The following AGBL4 variants were observed in gnomAD, a reference collection of about 807,000 sequenced individuals.
AGBL4 encodes AGBL carboxypeptidase 4.
AGBL4 carries 58 observed loss-of-function variants against 66.4 expected under a neutral mutation model. The observed-to-expected ratio is 0.87, with a 90% CI of 0.71 to 1.09. AGBL4 has a LOEUF of 1.09. Ranked by LOEUF, AGBL4 falls within the 50% of genes least tolerant of loss-of-function variation. The pLI is 0.00. For synonymous variants in AGBL4, 234 were observed against 222.9 expected (o/e 1.05, Z -0.44); for missense variants, 579 against 631.0 (o/e 0.92, Z 0.88).
At chr1:49,479,703 CTTTTTTTT>C (rs1351125149) in intron 3 of AGBL4, among the ~76,000 whole-genome samples, 2 of 136,890 alleles carry the variant, frequency 1.5e-5, no homozygotes, top group Non-Finnish European at 3.2e-5. Flanking sequence ...TTCTTTTTTT[CTTTTTTTT>C]TTTTTTTTGA....
intron 6 of AGBL4, among the ~76,000 whole-genome samples, chr1:48,853,636 A>G (rs567406475): frequency 1.3e-5 from 2 of 152,310 alleles, no homozygotes; most frequent in Middle Eastern, 3.4e-3. Flanking sequence ...CTGAAAGCAG[A>G]AGAGAGAGGA....
At chr1:49,774,852 A>G (rs115888543) in intron 2 of AGBL4, among the ~76,000 whole-genome samples, 35 of 152,326 alleles carry the variant, frequency 2.3e-4, no homozygotes, top group African/African-American at 7.9e-4. Flanking sequence ...AAATATACAT[A>G]CCCTTTGACT....
rs80325427 is a variant in AGBL4 at position 49,676,545 on chromosome 1, A to C, written c.282+20768T>G. Among the ~76,000 whole-genome samples the C allele has an allele frequency of 6.8e-3, 1,036 of 152,216 alleles. 9 individuals carry two copies. The highest frequency in any genetic ancestry group is 0.024 in the African/African-American group (997 of 41,560). On this transcript the variant is annotated intron_variant, in intron 3 of 13. Transcript: ENST00000371839. Reference sequence around the variant, plus strand: ...CACTTTGCTCATATTCCTTCTAAAAATGAAAACATACAGCCAGTCTGTGTG... The same window carrying C: ...CACTTTGCTCATATTCCTTCTAAAACTGAAAACATACAGCCAGTCTGTGTG...
chr1:49,117,423 C>A (rs534000216), intron 4 of AGBL4, among the ~76,000 whole-genome samples: 146 of 152,294 alleles, frequency 9.6e-4, no homozygotes, highest in African/African-American at 3.2e-3. Context: ...GATCCAGTTT[C>A]AGCTTTCTAC....
chr1:48,527,552 G>A, the AGBL4 span, among the ~76,000 whole-genome samples: 69 of 151,328 alleles, frequency 4.6e-4, no homozygotes, highest in Admixed American at 1.2e-3. Flanking sequence ...AGCTGAGATC[G>A]TGCCACTGTA....
At chr1:49,457,498 C>T (rs913709852) in intron 3 of AGBL4, among the ~76,000 whole-genome samples, 9 of 151,844 alleles carry the variant, frequency 5.9e-5, no homozygotes, top group Admixed American at 5.3e-4. Flanking sequence ...CATTTTCTCC[C>T]ACTCTGTGAG....
At chr1:49,151,956 A>G (rs932318070) in intron 4 of AGBL4, among the ~76,000 whole-genome samples, 1 of 152,150 alleles carries the variant, frequency 6.6e-6, no homozygotes, top group Non-Finnish European at 1.5e-5. Flanking sequence ...AGTGAAGGCA[A>G]CAAATAGGAA....
intron 4 of AGBL4, among the ~76,000 whole-genome samples, chr1:49,099,069 T>C (rs1645157166): frequency 6.6e-6 from 1 of 152,192 alleles, no homozygotes; most frequent in Non-Finnish European, 1.5e-5. Context: ...AGCTATGTGC[T>C]ATTCCTTACA....
intron 5 of AGBL4, among the ~76,000 whole-genome samples, chr1:48,883,334 T>C (rs550430992): frequency 9.8e-5 from 15 of 152,318 alleles, no homozygotes; most frequent in East Asian, 3.9e-4. Flanking sequence ...TGATGTCTCA[T>C]TGTGGTCCTC....
intron 4 of AGBL4, among the ~76,000 whole-genome samples, chr1:49,136,857 AATTTGTTCT>A (rs1426213408): frequency 1.3e-5 from 2 of 152,130 alleles, no homozygotes; most frequent in Non-Finnish European, 2.9e-5. Flanking sequence ...ACTGTAATTC[AATTTGTTCT>A]ATTTAGCTAC....
At chr1:48,635,565 C>T (rs1450653142) in intron 8 of AGBL4, among the ~76,000 whole-genome samples, 2 of 152,234 alleles carry the variant, frequency 1.3e-5, no homozygotes, top group African/African-American at 2.4e-5. Flanking sequence ...TTCAGTCCCC[C>T]TGTTCTGTGG....
At chr1:48,779,704 C>CTTTTT (rs200375125) in intron 6 of AGBL4, among the ~76,000 whole-genome samples, 10 of 137,176 alleles carry the variant, frequency 7.3e-5, no homozygotes, top group African/African-American at 2.2e-4. Flanking sequence ...CTGTTCCTCT[C>CTTTTT]TTTTTTTTTT....
chr1:49,197,649 G>A (rs1557720437), intron 4 of AGBL4, among the ~76,000 whole-genome samples: 1 of 152,174 alleles, frequency 6.6e-6, no homozygotes, highest in Non-Finnish European at 1.5e-5. Flanking sequence ...TCAATCACCT[G>A]TCCTGACCAA....
intron 5 of AGBL4, among the ~76,000 whole-genome samples, chr1:48,927,052 T>C (rs566021769): frequency 1.3e-5 from 2 of 152,134 alleles, no homozygotes; most frequent in Admixed American, 1.3e-4. Context: ...TGTATCATTA[T>C]GTACCTGGTC....
chr1:49,549,538 C>T (rs1299387709), intron 3 of AGBL4, among the ~76,000 whole-genome samples: 1 of 151,934 alleles, frequency 6.6e-6, no homozygotes, highest in African/African-American at 2.4e-5. Context: ...TGTTTTTGAC[C>T]CAATGCTCAT....
At chr1:48,675,623 C>T (rs1646353288) in intron 6 of AGBL4, among the ~76,000 whole-genome samples, 1 of 152,214 alleles carries the variant, frequency 6.6e-6, no homozygotes, top group African/African-American at 2.4e-5. Context: ...CACCAACTCT[C>T]CTGTAGCAAT....
intron 3 of AGBL4, among the ~76,000 whole-genome samples, chr1:49,557,462 T>C (rs185790950): frequency 4.6e-5 from 7 of 152,190 alleles, no homozygotes; most frequent in Admixed American, 4.6e-4. Flanking sequence ...AGAGTGTCTC[T>C]GGGCGCTGGG....
intron 5 of AGBL4, among the ~76,000 whole-genome samples, chr1:48,992,505 G>T (rs1660677061): frequency 6.6e-6 from 1 of 151,788 alleles, no homozygotes; most frequent in Admixed American, 6.6e-5. Context: ...GTTTGCTGAG[G>T]GCCCTAGAAC....
chr1:48,783,431 T>A (rs545497790), intron 6 of AGBL4, among the ~76,000 whole-genome samples: 1 of 152,142 alleles, frequency 6.6e-6, no homozygotes. Context: ...TAAAGGCCAA[T>A]GAACATCACC....
Sources: allele counts gnomAD v4.1 joint callset (sites outside exome capture counted in the v4.1 genomes callset), GRCh38; gene constraint gnomAD v4.1.1; transcripts MANE v1.5; gene names NCBI Gene and HGNC (gene_info 2026-07-23, HGNC 2026-07-21).